Variants in SCFD2 observed in about 807,000 individuals in gnomAD.
SCFD2 encodes sec1 family domain containing 2.
A neutral mutation model predicts 58.9 loss-of-function variants in SCFD2; 54 were observed. That is an observed-to-expected ratio of 0.92 (90% CI 0.74 to 1.15). SCFD2 has a LOEUF of 1.15. Among genes scored for constraint, SCFD2 ranks in the 50% most tolerant of loss-of-function variants. The pLI is 0.00. For missense variants in SCFD2, 805 were observed against 836.6 expected (o/e 0.96, Z 0.47); for synonymous variants, 321 against 335.9 (o/e 0.96, Z 0.49).
chr4:53,166,310 G>T (rs1189902138), intron 4 of SCFD2, among the ~76,000 whole-genome samples: 1 of 152,124 alleles, frequency 6.6e-6, no homozygotes, highest in Admixed American at 6.5e-5. Context: ...AAAACAGGAG[G>T]CGACCTCAGA....
intron 4 of SCFD2, among the ~76,000 whole-genome samples, chr4:53,253,329 G>A (rs1730469658): frequency 6.6e-6 from 1 of 152,078 alleles, no homozygotes; most frequent in African/African-American, 2.4e-5. Context: ...AAGTCAGTGT[G>A]GCGATTCCTC....
chr4:53,040,905 T>G (rs1171775098), intron 5 of SCFD2, among the ~76,000 whole-genome samples: 1 of 152,174 alleles, frequency 6.6e-6, no homozygotes, highest in African/African-American at 2.4e-5. Flanking sequence ...CTTTCATGAA[T>G]GAGATAAAAC....
chr4:53,229,309 C>T (rs1233155530), intron 4 of SCFD2, among the ~76,000 whole-genome samples: 2 of 152,158 alleles, frequency 1.3e-5, no homozygotes, highest in African/African-American at 4.8e-5. Flanking sequence ...GCCCACATTG[C>T]CAAGTCAATC....
intron 5 of SCFD2, among the ~76,000 whole-genome samples, chr4:53,113,811 A>G (rs983318573): frequency 5.3e-5 from 6 of 113,392 alleles, no homozygotes; most frequent in African/African-American, 1.3e-4. Flanking sequence ...AAACAAAGGT[A>G]CAGAAAGTGG....
chr4:53,117,580 C>T (rs1212444839), intron 5 of SCFD2, among the ~76,000 whole-genome samples: 3 of 152,188 alleles, frequency 2.0e-5, no homozygotes, highest in Admixed American at 6.5e-5. Flanking sequence ...CCTCTCGCCA[C>T]CTCCTTCCCA....
At chr4:53,318,734 T>C (rs1732936423) in intron 2 of SCFD2, among the ~76,000 whole-genome samples, 1 of 152,104 alleles carries the variant, frequency 6.6e-6, no homozygotes. Flanking sequence ...AGTTGTTTTT[T>C]TTTTTCCCCT....
At position 53,091,923 on chromosome 4, in the gene SCFD2, C is replaced by T. The variant is rs142426099; in HGVS notation, c.1561+53410G>A. Among the ~76,000 whole-genome samples, 213 of 152,232 alleles carry T rather than the reference C, an allele frequency of 1.4e-3. 1 individual carries two copies. Among genetic ancestry groups the T allele is most frequent in the Non-Finnish European group, 2.3e-3 (158 of 68,004 alleles). ...TTGATATTATGCTGGAATATCAAAA[C>T]TCTTAAAAGATTCAATTACTAAACA... On this transcript the variant is annotated intron_variant, in intron 5 of 8. Coordinates refer to ENST00000401642, the MANE Select transcript of SCFD2 (RefSeq NM_152540.4).
At chr4:53,340,232 G>A (rs573230110) in intron 2 of SCFD2, among the ~76,000 whole-genome samples, 2 of 152,220 alleles carry the variant, frequency 1.3e-5, no homozygotes, top group Non-Finnish European at 2.9e-5. Context: ...TGTGACAGAC[G>A]GCACCTGGAA....
chr4:52,882,847 C>A (rs1718651513), intron 8 of SCFD2, among the ~76,000 whole-genome samples: 1 of 152,152 alleles, frequency 6.6e-6, no homozygotes, highest in African/African-American at 2.4e-5. Flanking sequence ...CTCTAGAGAA[C>A]CCTGACTAAT....
At chr4:53,029,477 G>C (rs1395210132) in intron 5 of SCFD2, among the ~76,000 whole-genome samples, 1 of 152,122 alleles carries the variant, frequency 6.6e-6, no homozygotes, top group African/African-American at 2.4e-5. Context: ...CCACCTTGAA[G>C]ACCTGTGCCT....
intron 5 of SCFD2, among the ~76,000 whole-genome samples, chr4:53,042,431 T>TCC (rs1196083661): frequency 2.0e-5 from 3 of 152,132 alleles, no homozygotes; most frequent in Admixed American, 1.3e-4. Flanking sequence ...AGGTGTCCCT[T>TCC]CCCTGTGGTA....
intron 6 of SCFD2, among the ~76,000 whole-genome samples, chr4:52,914,643 G>T (rs1319908564): frequency 6.6e-6 from 1 of 152,138 alleles, no homozygotes; most frequent in Non-Finnish European, 1.5e-5. Flanking sequence ...CAAACATACA[G>T]TGCCTTGGGC....
At chr4:52,901,271 G>A (rs1407734297) in intron 7 of SCFD2, among the ~76,000 whole-genome samples, 1 of 152,144 alleles carries the variant, frequency 6.6e-6, no homozygotes, top group Non-Finnish European at 1.5e-5. Context: ...GTTCCTATTT[G>A]GCCATCTTGG....
chr4:53,084,126 G>T (rs1724232018), intron 5 of SCFD2, among the ~76,000 whole-genome samples: 1 of 152,106 alleles, frequency 6.6e-6, no homozygotes. Context: ...TAGTAAGCCT[G>T]AGGGTTCTGC....
At chr4:53,137,427 C>T (rs1214285381) in intron 5 of SCFD2, among the ~76,000 whole-genome samples, 1 of 152,172 alleles carries the variant, frequency 6.6e-6, no homozygotes, top group Admixed American at 6.5e-5. Context: ...GTCTGGACTT[C>T]TTGCTTAGAA....
At chr4:52,950,572 C>T (rs1720564305) in intron 5 of SCFD2, 1 of 152,182 alleles carries the variant, frequency 6.6e-6, no homozygotes, top group South Asian at 2.1e-4. Flanking sequence ...TGTGACATGT[C>T]AGACAAGGTC....
chr4:53,347,620 C>T (rs141176588), intron 2 of SCFD2, among the ~76,000 whole-genome samples: 30 of 152,250 alleles, frequency 2.0e-4, no homozygotes, highest in Non-Finnish European at 3.7e-4. Flanking sequence ...AAGTGTGTAT[C>T]TGCAGGAATA....
intron 5 of SCFD2, among the ~76,000 whole-genome samples, chr4:53,091,664 C>A (rs1724472521): frequency 6.6e-6 from 1 of 152,042 alleles, no homozygotes; most frequent in Non-Finnish European, 1.5e-5. Flanking sequence ...AAAGTCTCTC[C>A]AGAGTCCTGT....
intron 5 of SCFD2, among the ~76,000 whole-genome samples, chr4:53,002,376 G>A (rs1049670018): frequency 3.3e-5 from 5 of 152,160 alleles, no homozygotes; most frequent in Admixed American, 1.3e-4. Flanking sequence ...ACCACCACCA[G>A]ACGGCACCAA....
Sources: allele counts gnomAD v4.1 joint callset (sites outside exome capture counted in the v4.1 genomes callset), GRCh38; gene constraint gnomAD v4.1.1; transcripts MANE v1.5; gene names NCBI Gene and HGNC (gene_info 2026-07-23, HGNC 2026-07-21).